The following MALRD1 variants were observed in gnomAD, a reference collection of about 807,000 sequenced individuals.
MALRD1 encodes MAM and LDL receptor class A domain containing 1, also known as MAM and LDL-receptor class A domain-containing protein 1.
MALRD1 carries 247 observed loss-of-function variants against 242.1 expected under a neutral mutation model. The ratio of observed to expected loss-of-function variants is 1.02; its 90% CI spans 0.92 to 1.13. The LOEUF is 1.13. MALRD1 is among the 50% of genes most tolerant of loss of function. The probability of loss-of-function intolerance (pLI) is 0.00; values close to 1 mark genes in which losing one functional copy is unlikely to be tolerated. For missense variants in MALRD1, 2,989 were observed against 2,533.1 expected, an observed-to-expected ratio of 1.18 and a Z score of -3.86; for synonymous variants, 995 against 866.6, an observed-to-expected ratio of 1.15 and a Z score of -2.60.
intron 26 of MALRD1, among the ~76,000 whole-genome samples, chr10:19,363,779 A>C (rs1367683146): frequency 6.6e-6 from 1 of 152,144 alleles, no homozygotes; most frequent in African/African-American, 2.4e-5. Context: ...GAAGAGCCAG[A>C]ATATAGTACC....
At chr10:19,205,497 C>T (rs1413718912) in intron 17 of MALRD1, among the ~76,000 whole-genome samples, 1 of 150,710 alleles carries the variant, frequency 6.6e-6, no homozygotes, top group Non-Finnish European at 1.5e-5. Flanking sequence ...CTACAGAGTC[C>T]CTGCCCTTGC....
chr10:19,106,236 A>G (rs1347463559), intron 5 of MALRD1, among the ~76,000 whole-genome samples: 1 of 151,766 alleles, frequency 6.6e-6, no homozygotes, highest in Non-Finnish European at 1.5e-5. Flanking sequence ...TAACTCTCAC[A>G]TATGAGTGAG....
chr10:19,574,633 C>T (rs1052610956), intron 33 of MALRD1, among the ~76,000 whole-genome samples: 12 of 152,134 alleles, frequency 7.9e-5, no homozygotes, highest in African/African-American at 2.4e-4. Flanking sequence ...TATGGCTGTA[C>T]CATACTTGTA....
chr10:19,052,320 T>A (rs1299475082), intron 1 of MALRD1: 1 of 172,436 alleles, frequency 5.8e-6, no homozygotes, highest in Non-Finnish European at 1.2e-5. Context: ...GAAGCTCCCA[T>A]TCAAAGGAAA....
At chr10:19,557,312 C>A (rs1391574972) in intron 32 of MALRD1, among the ~76,000 whole-genome samples, 1 of 152,056 alleles carries the variant, frequency 6.6e-6, no homozygotes. Context: ...TTACCAATTT[C>A]CCATTTATGG....
At chr10:19,243,633 C>T (rs899110759) in intron 18 of MALRD1, among the ~76,000 whole-genome samples, 1 of 151,984 alleles carries the variant, frequency 6.6e-6, no homozygotes, top group African/African-American at 2.4e-5. Context: ...TATTTTCAAG[C>T]ATTAAGATTT....
intron 4 of MALRD1, among the ~76,000 whole-genome samples, chr10:19,102,860 T>TTC (rs1836318727): frequency 8.4e-6 from 1 of 119,146 alleles, no homozygotes; most frequent in Admixed American, 8.9e-5. Context: ...ATTTCTTCTT[T>TTC]TTTTTTGAGA....
At chr10:19,607,155 T>C (rs1383523311) in intron 34 of MALRD1, among the ~76,000 whole-genome samples, 1 of 152,198 alleles carries the variant, frequency 6.6e-6, no homozygotes, top group Non-Finnish European at 1.5e-5. Flanking sequence ...GTCAGATCAG[T>C]GTCTGCTTGC....
At chr10:19,079,595 A>G (rs1554783969) in intron 2 of MALRD1, among the ~76,000 whole-genome samples, 2 of 151,964 alleles carry the variant, frequency 1.3e-5, no homozygotes, top group Non-Finnish European at 1.5e-5. Context: ...GTCTCCAACT[A>G]TTATTGTTAA....
chr10:19,356,016 G>A (rs995468480), intron 26 of MALRD1, among the ~76,000 whole-genome samples: 1 of 150,848 alleles, frequency 6.6e-6, no homozygotes, highest in Admixed American at 6.7e-5. Context: ...ATTCGGTGGA[G>A]ACAATTTTAT....
At chr10:19,366,671 G>A (rs1029352519) in intron 26 of MALRD1, among the ~76,000 whole-genome samples, 9 of 152,024 alleles carry the variant, frequency 5.9e-5, no homozygotes, top group Admixed American at 5.2e-4. Context: ...ATGCATTCTG[G>A]TGATGAACAT....
chr10:19,115,185 C>G (rs1487919441), intron 5 of MALRD1, among the ~76,000 whole-genome samples: 2 of 152,088 alleles, frequency 1.3e-5, no homozygotes, highest in Non-Finnish European at 2.9e-5. Context: ...ACCCTGCCTC[C>G]CCTGCTTCTT....
intron 29 of MALRD1, among the ~76,000 whole-genome samples, chr10:19,455,511 C>G (rs969023634): frequency 6.6e-6 from 1 of 152,088 alleles, no homozygotes; most frequent in African/African-American, 2.4e-5. Flanking sequence ...CTTCTTTTGC[C>G]TTATGTTTTT....
intron 31 of MALRD1, among the ~76,000 whole-genome samples, chr10:19,510,397 T>C (rs1833343862): frequency 6.6e-6 from 1 of 152,202 alleles, no homozygotes; most frequent in East Asian, 1.9e-4. Context: ...CAAGGCCATA[T>C]TTCAGACTAT....
intron 34 of MALRD1, among the ~76,000 whole-genome samples, chr10:19,603,040 G>A (rs987198373): frequency 5.9e-5 from 9 of 152,126 alleles, no homozygotes; most frequent in African/African-American, 2.2e-4. Context: ...TGTTGATGGG[G>A]TTGTTTTTTT....
intron 38 of MALRD1, among the ~76,000 whole-genome samples, 163 bp downstream of exon 38, chr10:19,692,717 C>A (rs1406266320): frequency 6.6e-6 from 1 of 150,860 alleles, no homozygotes; most frequent in East Asian, 1.9e-4. Flanking sequence ...GAGGAGCTAC[C>A]TAACAAGAAT....
chr10:19,648,922 G>A (rs143451953), intron 36 of MALRD1, among the ~76,000 whole-genome samples: 18 of 152,098 alleles, frequency 1.2e-4, no homozygotes, highest in East Asian at 3.9e-4. Flanking sequence ...CCTGGTGCCC[G>A]TTGTTTCCTT....
chr10:19,109,786 T>C (rs540564155), intron 5 of MALRD1, among the ~76,000 whole-genome samples: 2 of 152,304 alleles, frequency 1.3e-5, no homozygotes, highest in African/African-American at 4.8e-5. Context: ...AATGTAGATA[T>C]GGGAAGAGAA....
chr10:19,104,465 G>T (rs926091384), intron 5 of MALRD1, among the ~76,000 whole-genome samples: 2 of 151,882 alleles, frequency 1.3e-5, no homozygotes, highest in Non-Finnish European at 2.9e-5. Flanking sequence ...ACAAAATAGA[G>T]GTATTAGTTA....
Sources: gnomAD v4.1 joint callset for allele counts (sites outside exome capture counted in the v4.1 genomes callset) on GRCh38, gnomAD v4.1.1 for gene constraint, MANE v1.5 for transcripts, NCBI Gene and HGNC (gene_info 2026-07-23, HGNC 2026-07-21) for gene names.